The following LIFR variants were observed in gnomAD, a reference collection of about 807,000 sequenced individuals.
LIFR encodes LIF receptor subunit alpha.
In LIFR, 84 loss-of-function variants were observed where a neutral mutation model predicts 122.2. The observed-to-expected ratio is 0.69, with a 90% CI of 0.58 to 0.82. The LOEUF is 0.82. LIFR is among the 40% of genes least tolerant of loss of function. The pLI is 0.00. For synonymous variants in LIFR, 422 were observed against 434.7 expected (o/e 0.97, Z 0.36); for missense variants, 1,294 against 1,311.6 (o/e 0.99, Z 0.21).
intron 1 of LIFR, among the ~76,000 whole-genome samples, chr5:38,547,702 C>G (rs1050370134): frequency 2.6e-5 from 4 of 152,102 alleles, no homozygotes; most frequent in African/African-American, 9.7e-5. Context: ...AATATAGTCA[C>G]GTGTGCTTAA....
Position 38,481,847 on chromosome 5 carries a change from T to A in LIFR, c.3042A>T (p.Glu1014Asp). ...CTAAGTCCTCTTCTGCAGCTATATC[T>A]TCCACAGTAGAATTAATGGGGAGGT... is the stretch of plus-strand genomic sequence containing the variant. Reference protein sequence around the residue: ...QMHLPINSTVEDIAAEEDLDK... With the variant: ...QMHLPINSTVDDIAAEEDLDK... Residue 1014 changes from glutamate (E) to aspartate (D), a missense_variant, in exon 20 of 20, where the codon GAA (glutamate) becomes GAT (aspartate). Coordinates refer to ENST00000453190, the MANE Select transcript of LIFR (RefSeq NM_001127671.2). 1.2e-6 allele frequency: 2 copies of A among 1,614,154 alleles called. No individual in the cohort carries two copies. The highest frequency in any genetic ancestry group is 1.7e-6 in the Non-Finnish European group (2 of 1,180,030).
chr5:38,588,385 G>C (rs907652096), intron 1 of LIFR, among the ~76,000 whole-genome samples: 1 of 152,104 alleles, frequency 6.6e-6, no homozygotes, highest in African/African-American at 2.4e-5. Flanking sequence ...TTAATATGAA[G>C]GACACTGTAT....
chr5:38,608,119 G>A (rs1750368987), intron 1 of LIFR: 1 of 151,986 alleles, frequency 6.6e-6, no homozygotes, highest in African/African-American at 2.4e-5. Flanking sequence ...AGGAGGTAGA[G>A]ACAGAGAGAG....
chr5:38,499,737 T>C (rs766022296), intron 11 of LIFR, among the ~76,000 whole-genome samples, 154 bp from the exon 12 acceptor site: 10 of 152,154 alleles, frequency 6.6e-5, no homozygotes, highest in Middle Eastern at 3.4e-3. Context: ...AAATCTAAGC[T>C]CTCAACAACT....
At chr5:38,489,000 A>C in intron 16 of LIFR, 78 bp downstream of exon 16, 1 of 1,201,160 alleles carries the variant, frequency 8.3e-7, no homozygotes. Flanking sequence ...ACTACTGAGC[A>C]GGACTTTCCT....
upstream of LIFR, chr5:38,558,086 T>G (rs1748678577): frequency 6.6e-6 from 1 of 152,098 alleles, no homozygotes; most frequent in Admixed American, 6.5e-5. Context: ...TATTTTAATT[T>G]CTTTTCAAAT....
chr5:38,595,110 T>C lies in LIFR; in HGVS notation c.-20+151A>G, dbSNP rs191456975. On this transcript the variant is annotated intron_variant, in intron 1 of 19. Coordinates refer to the LIFR transcript ENST00000263409. ...AGGAAACCACACAAGAAATACACTT[T>C]TGTAGGACAAAGAGGTAAGGTCAGA... 2.9e-3 allele frequency: 507 copies of C among 174,908 alleles called. 1 individual carries two copies. Among genetic ancestry groups the C allele is most frequent in the Non-Finnish European group, 4.5e-3 (364 of 81,160 alleles). The allele number at this position is 174,908 out of a possible 1,614,324, so 10.8% of individuals were successfully genotyped here. A position where few individuals can be genotyped will look rare whatever the true frequency, so the allele number is the denominator to read the frequency against.
intron 1 of LIFR, among the ~76,000 whole-genome samples, chr5:38,532,193 A>T (rs981534122): frequency 2.6e-5 from 4 of 152,212 alleles, no homozygotes; most frequent in Admixed American, 1.3e-4. Context: ...GATTATTCTA[A>T]AAAGAGACAC....
In LIFR at chr5:38,480,729, TA is replaced by T. The variant is rs1252522664; in HGVS notation, c.*865del. The T allele has an allele frequency of 4.8e-6, 1 of 210,318 alleles. No homozygotes were observed. The allele number at this position is 210,318 out of a possible 1,614,324, so 13.0% of individuals were successfully genotyped here. A position where few individuals can be genotyped will look rare whatever the true frequency, so the allele number is the denominator to read the frequency against. ...ACTGGAATTACATGCTTATGAATAA[TA>T]TTGAATTTGCTCATATAAAGCTGTC... On this transcript the variant is annotated 3_prime_UTR_variant, in exon 20 of 20. Coordinates refer to ENST00000453190, the MANE Select transcript of LIFR (RefSeq NM_001127671.2).
intron 13 of LIFR, among the ~76,000 whole-genome samples, chr5:38,494,203 G>A (rs1227234931): frequency 6.6e-6 from 1 of 152,174 alleles, no homozygotes; most frequent in Non-Finnish European, 1.5e-5. Flanking sequence ...CAGAGAACAA[G>A]CGGGGCCCAG....
At chr5:38,519,907 T>A (rs1172151917) in intron 5 of LIFR, among the ~76,000 whole-genome samples, 1 of 152,228 alleles carries the variant, frequency 6.6e-6, no homozygotes, top group Non-Finnish European at 1.5e-5. Flanking sequence ...TATTTTCTAT[T>A]GTGAATAGTG....
chr5:38,504,889 T>A (rs532031804), intron 9 of LIFR, among the ~76,000 whole-genome samples: 2 of 152,306 alleles, frequency 1.3e-5, no homozygotes, highest in South Asian at 4.1e-4. Flanking sequence ...GATCATCTAC[T>A]AATCAGCTGT....
intron 1 of LIFR, among the ~76,000 whole-genome samples, chr5:38,573,934 G>A (rs1448558175): frequency 1.3e-5 from 2 of 152,064 alleles, no homozygotes; most frequent in African/African-American, 4.8e-5. Flanking sequence ...GGCCAACATG[G>A]TGAAACCCCG....
chr5:38,602,946 G>A (rs559848047), intron 2 of LIFR, among the ~76,000 whole-genome samples: 1 of 152,098 alleles, frequency 6.6e-6, no homozygotes, highest in South Asian at 2.1e-4. Flanking sequence ...ACCTTCCAGG[G>A]GCACACCACT....
chr5:38,581,182 A>G (rs1170654207), intron 1 of LIFR, among the ~76,000 whole-genome samples: 2 of 152,096 alleles, frequency 1.3e-5, no homozygotes, highest in African/African-American at 4.8e-5. Flanking sequence ...TTTCCCTGGT[A>G]CTAGCATCAT....
intron 18 of LIFR, among the ~76,000 whole-genome samples, chr5:38,484,414 T>C (rs1400113625): frequency 6.6e-6 from 1 of 152,230 alleles, no homozygotes; most frequent in African/African-American, 2.4e-5. Flanking sequence ...ATGATTAAAA[T>C]GACCAGATTT....
At chr5:38,507,759 T>A (rs1745572332) in intron 7 of LIFR, among the ~76,000 whole-genome samples, 1 of 151,940 alleles carries the variant, frequency 6.6e-6, no homozygotes, top group Non-Finnish European at 1.5e-5. Context: ...AAAAATTCTG[T>A]AAAATTTTTT....
chr5:38,552,970 G>A (rs1162364432), intron 1 of LIFR, among the ~76,000 whole-genome samples: 1 of 152,210 alleles, frequency 6.6e-6, no homozygotes, highest in Non-Finnish European at 1.5e-5. Context: ...GCCCCCTGGA[G>A]CTTCCAGCCT....
intron 14 of LIFR, 190 bp from the exon 15 acceptor site, chr5:38,490,481 A>C (rs1287617045): frequency 3.1e-6 from 1 of 327,660 alleles, no homozygotes; most frequent in African/African-American, 2.1e-5. Context: ...CAAAAATTAA[A>C]TTTACTTCTA....
Sources: gnomAD v4.1 joint callset for allele counts (sites outside exome capture counted in the v4.1 genomes callset) on GRCh38, gnomAD v4.1.1 for gene constraint, MANE v1.5 for transcripts, NCBI Gene and HGNC (gene_info 2026-07-23, HGNC 2026-07-21) for gene names.